Variants in DNAH14 observed in about 807,000 individuals in gnomAD.
The protein encoded by DNAH14 is dynein axonemal heavy chain 14.
In DNAH14, 478 loss-of-function variants were observed where a neutral mutation model predicts 520.9. The ratio of observed to expected loss-of-function variants is 0.92; its 90% confidence interval spans 0.85 to 0.99. The LOEUF (loss-of-function observed/expected upper bound fraction) is 0.99. DNAH14 is among the 50% of genes least tolerant of loss of function. The pLI is 0.00. For missense variants in DNAH14, 4,831 were observed against 5,234.5 expected (o/e 0.92, Z 2.38); for synonymous variants, 1,581 against 1,757.2 (o/e 0.90, Z 2.51).
chr1:225,056,687 C>T (rs1283578362), intron 17 of DNAH14, among the ~76,000 whole-genome samples: 4 of 152,008 alleles, frequency 2.6e-5, no homozygotes, highest in African/African-American at 9.7e-5. Context: ...GTCTTTAATC[C>T]ATCTTGAATT....
At position 225,100,729 on chromosome 1, in the gene DNAH14, A is replaced by G. The variant is rs2075375897; in HGVS notation, c.3712A>G (p.Thr1238Ala). 2.0e-6 allele frequency: 3 copies of G among 1,510,424 alleles called. No individual in the cohort carries two copies. Among genetic ancestry groups the G allele is most frequent in the Non-Finnish European group, 2.6e-6 (3 of 1,134,374 alleles). 93.6% of individuals were successfully genotyped at this position (1,510,424 alleles called of 1,614,324 possible). ...TTTCTAAAGGCAACTCCCAGCAGAA[A>G]CAGAACTTTTCTCTCAAGTGATTTC... Reference protein sequence around the residue: ...SEIRRQLPAETELFSQVISMW... With the variant: ...SEIRRQLPAEAELFSQVISMW... The change falls in exon 23 of 86, where the codon ACA becomes GCA. Residue 1238 changes from threonine to alanine, a missense_variant. Thr to Ala is a moderately conservative substitution (Grantham distance 58, BLOSUM62 0). Coordinates refer to ENST00000682510, the MANE Select transcript of DNAH14 (RefSeq NM_001367479.1).
At chr1:225,332,715 C>T (rs965439628) in intron 65 of DNAH14, among the ~76,000 whole-genome samples, 3 of 151,474 alleles carry the variant, frequency 2.0e-5, no homozygotes, top group African/African-American at 7.3e-5. Context: ...CCTGCTTTGG[C>T]TGGGCATGGT....
chr1:225,150,736 ATT>A (rs34780466), intron 31 of DNAH14, among the ~76,000 whole-genome samples: 2 of 149,040 alleles, frequency 1.3e-5, no homozygotes, highest in African/African-American at 4.9e-5. Context: ...TTCCACATAC[ATT>A]TTTTTTTTAA....
At chr1:225,173,172 G>A (rs2082906228) in intron 36 of DNAH14, among the ~76,000 whole-genome samples, 1 of 152,126 alleles carries the variant, frequency 6.6e-6, no homozygotes, top group Non-Finnish European at 1.5e-5. Context: ...GAAAACCTAG[G>A]CAATACCATT....
intron 65 of DNAH14, among the ~76,000 whole-genome samples, chr1:225,331,784 C>G (rs1188255941): frequency 6.6e-6 from 1 of 152,186 alleles, no homozygotes; most frequent in South Asian, 2.1e-4. Context: ...CTACAAGTAT[C>G]TGACGTTATC....
intron 27 of DNAH14, among the ~76,000 whole-genome samples, chr1:225,128,037 C>G (rs2077949057): frequency 6.6e-6 from 1 of 152,042 alleles, no homozygotes; most frequent in Non-Finnish European, 1.5e-5. Context: ...AATATTGGCC[C>G]CCACTCTCTT....
Position 225,290,645 on chromosome 1 carries a change from GTGTA to G in DNAH14, c.8469+565_8469+568del, listed in dbSNP as rs1202213253. On this transcript the variant is annotated intron_variant, in intron 55 of 85. Coordinates refer to ENST00000682510, the MANE Select transcript of DNAH14 (RefSeq NM_001367479.1). ...TGTATAGATATATGTGTGTGTGTGT[GTGTA>G]TATATATATATATATATATATATAT... 8.1e-3 allele frequency among the ~76,000 whole-genome samples: 327 copies of G among 40,524 alleles called. 2 individuals are homozygous for G. The highest frequency in any genetic ancestry group is 0.033 in the East Asian group (25 of 758). The allele number at this position is 40,524 out of a possible 152,430, so 26.6% of individuals were successfully genotyped here. A position where few individuals can be genotyped will look rare whatever the true frequency, so the allele number is the denominator to read the frequency against.
At chr1:225,024,009 A>G in intron 11 of DNAH14, 144 bp downstream of exon 11, 2 of 1,378,482 alleles carry the variant, frequency 1.5e-6, no homozygotes, top group Non-Finnish European at 1.9e-6. Flanking sequence ...TTTGCTATTA[A>G]CAGAACTTAT....
intron 17 of DNAH14, among the ~76,000 whole-genome samples, chr1:225,078,768 ATCTCTCTC>A (rs1170812870): frequency 3.1e-3 from 48 of 15,672 alleles, no homozygotes; most frequent in African/African-American, 0.016. Flanking sequence ...CCCATTCTCA[ATCTCTCTC>A]TCTCTCTCTC....
chr1:225,303,411 G>A (rs2094177006), intron 57 of DNAH14, 64 bp downstream of exon 57: 5 of 1,409,328 alleles, frequency 3.5e-6, no homozygotes, highest in Non-Finnish European at 3.8e-6. Flanking sequence ...TTATGCCTCT[G>A]AAGAGCAACA....
intron 9 of DNAH14, among the ~76,000 whole-genome samples, chr1:225,004,900 G>A (rs572580183): frequency 1.4e-4 from 22 of 152,300 alleles, no homozygotes; most frequent in South Asian, 1.2e-3. Context: ...GTGGTCATAC[G>A]TGTACTCTGC....
intron 42 of DNAH14, among the ~76,000 whole-genome samples, chr1:225,231,613 T>C (rs2091119937): frequency 1.3e-5 from 2 of 152,278 alleles, no homozygotes; most frequent in South Asian, 2.1e-4. Flanking sequence ...TTTTGTAGGA[T>C]AGAAGAGTCA....
chr1:225,270,043 T>C (rs2093265437), intron 49 of DNAH14, among the ~76,000 whole-genome samples: 1 of 152,104 alleles, frequency 6.6e-6, no homozygotes, highest in Non-Finnish European at 1.5e-5. Context: ...TGCAGCACTA[T>C]TCACAATAGC....
intron 54 of DNAH14, among the ~76,000 whole-genome samples, chr1:225,283,023 T>A (rs1175112857): frequency 6.6e-6 from 1 of 151,924 alleles, no homozygotes; most frequent in Non-Finnish European, 1.5e-5. Context: ...TAAATAGTTA[T>A]TATTTTTAAT....
chr1:225,042,607 C>T (rs943705448), intron 12 of DNAH14, among the ~76,000 whole-genome samples: 1 of 152,180 alleles, frequency 6.6e-6, no homozygotes, highest in Non-Finnish European at 1.5e-5. Flanking sequence ...TATACTGACT[C>T]TGGCATCAAT....
At chr1:225,201,488 G>A (rs1442945304) in intron 38 of DNAH14, among the ~76,000 whole-genome samples, 1 of 152,098 alleles carries the variant, frequency 6.6e-6, no homozygotes, top group Non-Finnish European at 1.5e-5. Context: ...TCTCATTTGG[G>A]TAGGCTCTGT....
At chr1:225,293,680 G>A (rs2093943162) in intron 55 of DNAH14, among the ~76,000 whole-genome samples, 1 of 152,098 alleles carries the variant, frequency 6.6e-6, no homozygotes, top group African/African-American at 2.4e-5. Flanking sequence ...AAGGGTGGGA[G>A]GAGGGAGAGA....
At chr1:225,125,217 G>A (rs2077622335) in intron 27 of DNAH14, among the ~76,000 whole-genome samples, 1 of 152,118 alleles carries the variant, frequency 6.6e-6, no homozygotes, top group Admixed American at 6.6e-5. Context: ...GTGAGCATTG[G>A]CTTCAATTTA....
At chr1:224,972,687 G>T (rs2061572363) in intron 7 of DNAH14, among the ~76,000 whole-genome samples, 1 of 152,008 alleles carries the variant, frequency 6.6e-6, no homozygotes, top group Admixed American at 6.6e-5. Context: ...GGATGGTCTC[G>T]ATCTCCTGAC....
Sources: gnomAD v4.1 joint callset for allele counts (sites outside exome capture counted in the v4.1 genomes callset) on GRCh38, gnomAD v4.1.1 for gene constraint, MANE v1.5 for transcripts, NCBI Gene and HGNC (gene_info 2026-07-23, HGNC 2026-07-21) for gene names.